Variants in TRAPPC9 observed in about 807,000 individuals in gnomAD.
The protein encoded by TRAPPC9 is trafficking protein particle complex subunit 9.
A neutral mutation model predicts 124.0 loss-of-function variants in TRAPPC9; 83 were observed. The ratio of observed to expected loss-of-function variants is 0.67; its 90% CI spans 0.56 to 0.80. TRAPPC9 has a LOEUF of 0.80. Among genes scored for constraint, TRAPPC9 ranks in the 30% least tolerant of loss-of-function variants. The probability of loss-of-function intolerance (pLI) is 0.00; values close to 1 mark genes in which losing one functional copy is unlikely to be tolerated. For synonymous variants in TRAPPC9, 638 were observed against 617.5 expected (o/e 1.03, Z -0.49); for missense variants, 1,302 against 1,508.3 (o/e 0.86, Z 2.27).
In TRAPPC9 at chr8:140,450,831, C is replaced by T. The variant is rs149504969; in HGVS notation, c.543G>A (p.Pro181=). 410 of 1,612,984 alleles carry T rather than the reference C, an allele frequency of 2.5e-4. 4 individuals carry two copies. The highest frequency in any genetic ancestry group is 2.1e-3 in the South Asian group (191 of 90,762). ...GTCCTACAAAGTCCTTTTTCTCAAA[C>T]GGGACACAGAGAAGGGGGATCTTAT... ...SGDKIPLLCV[P]FEKKDFVGLD... The change falls in exon 2 of 23, where the codon CCG becomes CCA. Residue 181 remains proline, a synonymous_variant. Coordinates refer to ENST00000438773, the MANE Select transcript of TRAPPC9 (RefSeq NM_001160372.4).
intron 17 of TRAPPC9, among the ~76,000 whole-genome samples, chr8:140,027,404 G>A (rs1343928200): frequency 2.0e-5 from 3 of 152,118 alleles, no homozygotes; most frequent in Non-Finnish European, 4.4e-5. Flanking sequence ...ATGTCACACT[G>A]GCTTCTTGTT....
At chr8:140,223,470 G>A (rs186373430) in intron 16 of TRAPPC9, among the ~76,000 whole-genome samples, 4 of 152,208 alleles carry the variant, frequency 2.6e-5, no homozygotes, top group Admixed American at 1.3e-4. Flanking sequence ...ACTCACACTC[G>A]GTGCTTTTGA....
chr8:140,249,130 G>A (rs1010215940), intron 16 of TRAPPC9, among the ~76,000 whole-genome samples: 7 of 152,104 alleles, frequency 4.6e-5, no homozygotes, highest in Non-Finnish European at 7.4e-5. Context: ...TCTGTCATCC[G>A]GACAGTGAGC....
chr8:139,792,031 C>A (rs1004781161), intron 21 of TRAPPC9, among the ~76,000 whole-genome samples: 1 of 152,184 alleles, frequency 6.6e-6, no homozygotes, highest in African/African-American at 2.4e-5. Flanking sequence ...TCCCTGATTT[C>A]CCCCAAATAA....
chr8:140,057,100 C>T (rs905896324), intron 17 of TRAPPC9, among the ~76,000 whole-genome samples: 10 of 152,134 alleles, frequency 6.6e-5, no homozygotes, highest in African/African-American at 2.4e-4. Flanking sequence ...TGCTCAGCCT[C>T]GTAAGTAATT....
intron 21 of TRAPPC9, among the ~76,000 whole-genome samples, chr8:139,804,037 C>T (rs1003540823): frequency 4.0e-5 from 6 of 151,726 alleles, no homozygotes; most frequent in East Asian, 3.9e-4. Context: ...TATCCATCGC[C>T]GCCACCACAC....
chr8:139,756,258 C>A (rs77138953), intron 21 of TRAPPC9, among the ~76,000 whole-genome samples: 2 of 100,462 alleles, frequency 2.0e-5, no homozygotes, highest in South Asian at 3.4e-4. Context: ...GACAGCAGGT[C>A]GCAGTAGGAG....
In TRAPPC9 at chr8:140,359,948, C is replaced by T. The variant is rs201498048; in HGVS notation, c.1495+102G>A. ...CTGACGAAGAGCTGGGCAGCATCTT[C>T]CACCCACTGAAACCCAAGCCCAGGG... On this transcript the variant is annotated intron_variant, in intron 9 of 22. Coordinates refer to ENST00000438773, the MANE Select transcript of TRAPPC9 (RefSeq NM_001160372.4). 10 of 1,538,384 alleles carry T rather than the reference C, an allele frequency of 6.5e-6. No homozygotes were observed. In the East Asian group the frequency reaches 2.3e-4, roughly 35 times the overall value.
intron 17 of TRAPPC9, among the ~76,000 whole-genome samples, chr8:140,148,743 T>C (rs542044538): frequency 1.3e-5 from 2 of 152,302 alleles, no homozygotes; most frequent in South Asian, 2.1e-4. Flanking sequence ...GAGACTCATA[T>C]CCTACCTTAA....
intron 15 of TRAPPC9, among the ~76,000 whole-genome samples, chr8:140,272,123 A>ACAGTGATTATGG (rs1554657946): frequency 2.1e-5 from 3 of 141,050 alleles, no homozygotes; most frequent in African/African-American, 8.3e-5. Context: ...GGCAATGGTG[A>ACAGTGATTATGG]TGGTGGCGAT....
chr8:139,967,848 C>T (rs1213554178), intron 19 of TRAPPC9, among the ~76,000 whole-genome samples: 1 of 152,098 alleles, frequency 6.6e-6, no homozygotes, highest in African/African-American at 2.4e-5. Context: ...TTAAAAAAAA[C>T]ACAATGGTGG....
At chr8:140,286,843 C>T (rs1267896412) in intron 13 of TRAPPC9, among the ~76,000 whole-genome samples, 6 of 152,066 alleles carry the variant, frequency 3.9e-5, no homozygotes, top group Admixed American at 1.3e-4. Flanking sequence ...GCCAGGGCAT[C>T]GGTGGGATCA....
intron 17 of TRAPPC9, chr8:140,099,815 C>A (rs1274599005): frequency 2.0e-5 from 3 of 151,184 alleles, no homozygotes; most frequent in African/African-American, 7.3e-5. Context: ...GGTACTGATG[C>A]CCACGCTGGT....
At chr8:139,792,201 AGGTTTAGTC>A (rs1822739901) in intron 21 of TRAPPC9, among the ~76,000 whole-genome samples, 1 of 152,108 alleles carries the variant, frequency 6.6e-6, no homozygotes. Context: ...CTCAGACAGC[AGGTTTAGTC>A]TCCCTTGAGG....
chr8:139,893,920 G>A (rs1349504414), intron 20 of TRAPPC9, among the ~76,000 whole-genome samples: 3 of 152,246 alleles, frequency 2.0e-5, no homozygotes, highest in Non-Finnish European at 2.9e-5. Context: ...CTCACAGAGC[G>A]GAACTCCTCC....
intron 21 of TRAPPC9, among the ~76,000 whole-genome samples, chr8:139,784,095 C>G (rs1030640314): frequency 6.6e-6 from 1 of 152,150 alleles, no homozygotes; most frequent in Non-Finnish European, 1.5e-5. Flanking sequence ...ATTTCTTATT[C>G]TCAGCATTTC....
chr8:140,121,666 G>A (rs924223886), intron 17 of TRAPPC9, among the ~76,000 whole-genome samples: 1 of 152,188 alleles, frequency 6.6e-6, no homozygotes, highest in African/African-American at 2.4e-5. Context: ...AGGCAAAATT[G>A]CATGTCTATC....
intron 21 of TRAPPC9, among the ~76,000 whole-genome samples, chr8:139,741,116 C>T (rs1818525463): frequency 6.6e-6 from 1 of 152,192 alleles, no homozygotes; most frequent in African/African-American, 2.4e-5. Flanking sequence ...TCCAGCCTGC[C>T]CCAGCAGGGC....
chr8:140,125,360 G>A (rs1587758739), intron 17 of TRAPPC9, among the ~76,000 whole-genome samples: 1 of 152,298 alleles, frequency 6.6e-6, no homozygotes, highest in African/African-American at 2.4e-5. Context: ...AAGCATCGAC[G>A]AGAACCTAGT....
Sources: gnomAD v4.1 joint callset for allele counts (sites outside exome capture counted in the v4.1 genomes callset) on GRCh38, gnomAD v4.1.1 for gene constraint, MANE v1.5 for transcripts, NCBI Gene and HGNC (gene_info 2026-07-23, HGNC 2026-07-21) for gene names.